MCMBP: variants seen among roughly 807,000 people sequenced by gnomAD.
MCMBP encodes minichromosome maintenance complex binding protein, also known as mini-chromosome maintenance complex-binding protein.
MCMBP carries 31 observed loss-of-function variants against 81.3 expected under a neutral mutation model. That is an observed-to-expected ratio of 0.38 (90% CI 0.29 to 0.51). The LOEUF is 0.51. Ranked by LOEUF, MCMBP falls within the 20% of genes least tolerant of loss-of-function variation. MCMBP has a pLI of 0.87. For missense variants in MCMBP, 645 were observed against 772.1 expected (o/e 0.84, Z 1.95); for synonymous variants, 267 against 275.9 (o/e 0.97, Z 0.32).
Position 119,859,291 on chromosome 10 carries a change from C to CAA in MCMBP, c.145-111_145-110insTT, listed in dbSNP as rs980201729. ...TCAAACTGTTACACACACACACACACACACACACACACACCCATGCCACAT... is the reference window on the plus strand; with the variant it reads ...TCAAACTGTTACACACACACACACACAAACACACACACACACCCATGCCACAT... On this transcript the variant is annotated intron_variant, in intron 2 of 15. Transcript: ENST00000369077. 9 of 842,710 alleles carry CAA rather than the reference C, an allele frequency of 1.1e-5. No individual in the cohort carries two copies. In the African/African-American group the frequency reaches 1.4e-4, roughly 13 times the overall value. 52.2% of individuals were successfully genotyped at this position (842,710 alleles called of 1,614,324 possible).
rs1323542545 is a variant in MCMBP, at chr10:119,859,278, A to G, written c.145-97T>C. On this transcript the variant is annotated intron_variant, in intron 2 of 15. Transcript: ENST00000369077. Reference sequence around the variant, plus strand: ...TTTATATCCAGACTCAAACTGTTACACACACACACACACACACACACACAC... The same window carrying G: ...TTTATATCCAGACTCAAACTGTTACGCACACACACACACACACACACACAC... The G allele has an allele frequency of 1.3e-4, 23 of 178,170 alleles. No homozygotes were observed. The South Asian group carries it at 2.0e-3, about 15-fold the overall frequency. 11.0% of individuals were successfully genotyped at this position (178,170 alleles called of 1,614,324 possible).
intron 14 of MCMBP, among the ~76,000 whole-genome samples, chr10:119,833,249 A>C (rs925993214): frequency 2.0e-5 from 3 of 152,218 alleles, no homozygotes; most frequent in Admixed American, 2.0e-4. Flanking sequence ...GTTACTAAAC[A>C]ACCTACCAAC....
At position 119,835,564 on chromosome 10, in the gene MCMBP, A is replaced by G. The variant is rs1852209728; in HGVS notation, c.1683T>C (p.Tyr561=). The G allele has an allele frequency of 6.2e-7, 1 of 1,614,032 alleles. No individual in the cohort carries two copies. ...CCTTGGTTATTTCATCAGATATGCTATATTCCAAGAATCTCAAAAGAGTTA... is the reference window on the plus strand; with the variant it reads ...CCTTGGTTATTTCATCAGATATGCTGTATTCCAAGAATCTCAAAAGAGTTA... ...IYLTLLRFLE[Y]SISDEITKAV... is the part of the protein sequence containing the mutation. Residue 561 remains tyrosine (Y), a synonymous_variant, in exon 14 of 16, where the codon TAT becomes TAC. Coordinates refer to ENST00000369077, the MANE Select transcript of MCMBP (RefSeq NM_001256378.2).
rs1851939648 is a variant in MCMBP, at chr10:119,829,930, T to C, written c.*1544A>G. The C allele has an allele frequency of 6.6e-6, 1 of 152,614 alleles. No homozygotes were observed. The highest frequency in any genetic ancestry group is 2.1e-4 in the South Asian group (1 of 4,838). The allele number at this position is 152,614 out of a possible 1,614,324, so 9.5% of individuals were successfully genotyped here. A position where few individuals can be genotyped will look rare whatever the true frequency, so the allele number is the denominator to read the frequency against. On this transcript the variant is annotated 3_prime_UTR_variant, in exon 16 of 16. Coordinates refer to ENST00000369077, the MANE Select transcript of MCMBP (RefSeq NM_001256378.2). ...AAAACACATGGTGACTAATGTACTT[T>C]GCTCTAGGACAATTAAAGAAAATGT...
At chr10:119,832,166 C>G (rs1255592488) in intron 14 of MCMBP, 66 bp from the exon 15 acceptor site, 21 of 1,436,412 alleles carry the variant, frequency 1.5e-5, no homozygotes, top group Middle Eastern at 1.8e-4. Flanking sequence ...AACATGGTTC[C>G]TTGACTGATG....
At chr10:119,845,836 T>C (rs1043152272) in intron 8 of MCMBP, among the ~76,000 whole-genome samples, 3 of 152,162 alleles carry the variant, frequency 2.0e-5, no homozygotes, top group African/African-American at 7.2e-5. Flanking sequence ...CAACAGATTG[T>C]GAATAATGGG....
At chr10:119,857,236 CA>C in intron 5 of MCMBP, 101 bp downstream of exon 5, 1 of 790,004 alleles carries the variant, frequency 1.3e-6, no homozygotes. Flanking sequence ...ACAAATGAAA[CA>C]CACTTTATTA....
chr10:119,834,470 C>T (rs1246611195), intron 14 of MCMBP, among the ~76,000 whole-genome samples: 2 of 152,096 alleles, frequency 1.3e-5, no homozygotes, highest in East Asian at 1.9e-4. Context: ...AAGAATTCTA[C>T]ATCCAGCAAA....
intron 8 of MCMBP, among the ~76,000 whole-genome samples, chr10:119,845,530 G>A (rs1852587757): frequency 6.6e-6 from 1 of 152,136 alleles, no homozygotes; most frequent in Admixed American, 6.5e-5. Context: ...AATACAGGAA[G>A]GATAAACCAG....
At position 119,853,106 on chromosome 10, in the gene MCMBP, T is replaced by C. The variant is rs1852890998; in HGVS notation, c.518A>G (p.Asp173Gly). The C allele has an allele frequency of 6.2e-7, 1 of 1,614,122 alleles. No homozygotes were observed. The highest frequency in any genetic ancestry group is 1.3e-5 in the African/African-American group (1 of 74,950). Residue 173 changes from aspartate (D) to glycine (G), a missense_variant, in exon 6 of 16, where the codon GAT becomes GGT. Asp to Gly is a moderately conservative substitution (Grantham distance 94). Coordinates refer to ENST00000369077, the MANE Select transcript of MCMBP (RefSeq NM_001256378.2). Reference sequence around the variant, plus strand: ...CTGCTTATTGGGCTGTAGGTCCATATCGTCATCATCTTCATAACTCCTCTT... The same window carrying C: ...CTGCTTATTGGGCTGTAGGTCCATACCGTCATCATCTTCATAACTCCTCTT... ...RHKRSYEDDD[D>G]MDLQPNKQKD...
At chr10:119,836,520 T>A (rs1852246452) in intron 13 of MCMBP, among the ~76,000 whole-genome samples, 1 of 150,992 alleles carries the variant, frequency 6.6e-6, no homozygotes, top group African/African-American at 2.4e-5. Context: ...AAGGACATTT[T>A]AAAAGAACTC....
intron 1 of MCMBP, among the ~76,000 whole-genome samples, chr10:119,872,102 T>C (rs1042445351): frequency 3.3e-5 from 5 of 152,132 alleles, no homozygotes; most frequent in South Asian, 2.1e-4. Context: ...AGTTTTGAAA[T>C]ATCCTGTGGG....
chr10:119,868,360 A>C (rs1853546089), intron 1 of MCMBP, among the ~76,000 whole-genome samples: 1 of 152,180 alleles, frequency 6.6e-6, no homozygotes, highest in Non-Finnish European at 1.5e-5. Context: ...CAGAAGGCGG[A>C]GGTTGCAGTG....
chr10:119,840,817 A>G (rs766130256), intron 11 of MCMBP, 26 bp downstream of exon 11: 1 of 1,376,782 alleles, frequency 7.3e-7, no homozygotes, highest in Middle Eastern at 1.9e-4. Context: ...GCTTAGGTTT[A>G]TAATACATAT....
rs1279702235 is a variant in MCMBP, at chr10:119,831,377, AG to A, written c.*96del. On this transcript the variant is annotated 3_prime_UTR_variant, in exon 16 of 16. Coordinates refer to ENST00000369077, the MANE Select transcript of MCMBP (RefSeq NM_001256378.2). ...TCAGGAAATGTCACTGGTTTGTGAT[AG>A]AAATTACCTATAAAACAATGTGGTA... is the stretch of plus-strand genomic sequence containing the variant. 1 of 1,445,510 alleles carries A rather than the reference AG, an allele frequency of 6.9e-7. No individual in the cohort carries two copies. The highest frequency in any genetic ancestry group is 9.5e-7 in the Non-Finnish European group (1 of 1,058,172). 89.5% of individuals were successfully genotyped at this position (1,445,510 alleles called of 1,614,324 possible).
At position 119,838,571 on chromosome 10, in the gene MCMBP, C is replaced by T. The variant is rs1852331173; in HGVS notation, c.1372G>A (p.Glu458Lys). ...LPSNTSLVID[E>K]TLLEQGQLDT... ...AGCTGCCCCTGTTCCAGGAGAGTCT[C>T]ATCGATTACAAGGGAAGTATTGCTG... Residue 458 changes from glutamate to lysine, a missense_variant, in exon 12 of 16, where the codon GAG becomes AAG. Coordinates refer to ENST00000369077, the MANE Select transcript of MCMBP (RefSeq NM_001256378.2). 6.2e-7 allele frequency: 1 copy of T among 1,614,004 alleles called. No individual in the cohort carries two copies. The highest frequency in any genetic ancestry group is 1.3e-5 in the African/African-American group (1 of 74,920).
Position 119,837,049 on chromosome 10 carries a change from C to T in MCMBP, c.1409-20G>A, listed in dbSNP as rs1852271542. On this transcript the variant is annotated intron_variant, in intron 12 of 15. Coordinates refer to ENST00000369077, the MANE Select transcript of MCMBP (RefSeq NM_001256378.2). The stretch of plus-strand genomic sequence containing the variant: ...GAACACCTACAAAGGCAGGAAAACA[C>T]TTTCAGTCATTTGACTTTAATCATC... The T allele has an allele frequency of 1.2e-6, 2 of 1,609,130 alleles. No individual in the cohort carries two copies. The highest frequency in any genetic ancestry group is 2.7e-5 in the African/African-American group (2 of 74,690).
At chr10:119,835,994 CCTGA>C (rs1242781860) in intron 13 of MCMBP, among the ~76,000 whole-genome samples, 34 of 152,250 alleles carry the variant, frequency 2.2e-4, no homozygotes, top group African/African-American at 4.1e-4. Flanking sequence ...CGCCACCATG[CCTGA>C]CTAATTTTGG....
intron 4 of MCMBP, 24 bp from the exon 5 acceptor site, chr10:119,857,463 T>C (rs1853095111): frequency 1.3e-6 from 2 of 1,514,236 alleles, no homozygotes; most frequent in Admixed American, 2.1e-5. Flanking sequence ...AAAAAGTGTT[T>C]TTAAAAATTT....
Sources: gnomAD v4.1 joint callset for allele counts (sites outside exome capture counted in the v4.1 genomes callset) on GRCh38, gnomAD v4.1.1 for gene constraint, MANE v1.5 for transcripts, NCBI Gene and HGNC (gene_info 2026-07-23, HGNC 2026-07-21) for gene names.